MARCHF11: variants seen among roughly 807,000 people sequenced by gnomAD.
MARCHF11 encodes the protein E3 ubiquitin-protein ligase MARCHF11.
Under a neutral mutation model 37.3 loss-of-function variants are expected in MARCHF11, and 29 were observed. The observed-to-expected ratio is 0.78, with a 90% CI of 0.58 to 1.06. The LOEUF is 1.06. MARCHF11 is among the 50% of genes least tolerant of loss of function. MARCHF11 has a pLI of 0.00. For missense variants in MARCHF11, 482 were observed against 533.4 expected, an observed-to-expected ratio of 0.90 and a Z score of 0.95; for synonymous variants, 233 against 228.0, an observed-to-expected ratio of 1.02 and a Z score of -0.20.
chr5:16,084,367 G>A (rs1177116417), intron 3 of MARCHF11, among the ~76,000 whole-genome samples: 2 of 152,222 alleles, frequency 1.3e-5, no homozygotes, highest in African/African-American at 4.8e-5. Flanking sequence ...CATAGGCCAG[G>A]TGCGATGGCT....
intron 2 of MARCHF11, among the ~76,000 whole-genome samples, chr5:16,148,763 G>T (rs911499496): frequency 9.9e-5 from 15 of 152,094 alleles, no homozygotes; most frequent in Non-Finnish European, 1.9e-4. Flanking sequence ...TAGCTATTTT[G>T]TGCTAAAAAT....
chr5:16,102,227 G>A (rs187366054), intron 2 of MARCHF11, among the ~76,000 whole-genome samples: 4 of 152,264 alleles, frequency 2.6e-5, no homozygotes, highest in East Asian at 3.9e-4. Context: ...TGAGTTGAAC[G>A]TGCAGTGTCT....
chr5:16,146,714 G>A (rs564603203), intron 2 of MARCHF11, among the ~76,000 whole-genome samples: 199 of 152,254 alleles, frequency 1.3e-3, no homozygotes, highest in African/African-American at 3.5e-3. Flanking sequence ...TTTTTAAGTC[G>A]GTGGCACAGT....
chr5:16,099,702 T>G (rs1313141323), intron 2 of MARCHF11, among the ~76,000 whole-genome samples: 2 of 152,240 alleles, frequency 1.3e-5, no homozygotes, highest in African/African-American at 4.8e-5. Context: ...TTGGTTGCTA[T>G]TTCCAAAAGA....
In MARCHF11 at chr5:16,179,175, C is replaced by T. The variant is rs1471703893; in HGVS notation, c.401G>A (p.Gly134Asp). Residue 134 changes from glycine (G) to aspartate (D), a missense_variant, in exon 1 of 4, where the codon GGC becomes GAC. Physicochemically the swap from Gly to Asp is moderately conservative, Grantham distance 94 (BLOSUM62 -1). Coordinates refer to ENST00000332432, the MANE Select transcript of MARCHF11 (RefSeq NM_001102562.3). ...AGAGGERERR[G>D]AGDQPETRSV... ...GCGCGTCTCGGGCTGGTCTCCGGCGCCCCGCCGCTCGCGCTCGCCGCCCGC... is the reference window on the plus strand; with the variant it reads ...GCGCGTCTCGGGCTGGTCTCCGGCGTCCCGCCGCTCGCGCTCGCCGCCCGC... 4.4e-6 allele frequency: 6 copies of T among 1,368,256 alleles called. No homozygotes were observed. The highest frequency in any genetic ancestry group is 5.6e-6 in the Non-Finnish European group (6 of 1,068,588). The allele number at this position is 1,368,256 out of a possible 1,614,324, so 84.8% of individuals were successfully genotyped here. A position where few individuals can be genotyped will look rare whatever the true frequency, so the allele number is the denominator to read the frequency against.
At chr5:16,107,006 T>A (rs1737052124) in intron 2 of MARCHF11, among the ~76,000 whole-genome samples, 1 of 152,236 alleles carries the variant, frequency 6.6e-6, no homozygotes, top group Admixed American at 6.5e-5. Context: ...AGAAACCACC[T>A]GCCCCATGAA....
At chr5:16,069,318 T>C (rs1037983704) in intron 3 of MARCHF11, among the ~76,000 whole-genome samples, 2 of 152,062 alleles carry the variant, frequency 1.3e-5, no homozygotes, top group African/African-American at 4.8e-5. Context: ...TATAAAAGCA[T>C]TGATGAGAAT....
intron 2 of MARCHF11, among the ~76,000 whole-genome samples, chr5:16,155,847 G>A (rs1007155535): frequency 8.6e-5 from 13 of 151,850 alleles, no homozygotes; most frequent in African/African-American, 2.7e-4. Context: ...TAACACAAAC[G>A]ATAATAAATG....
intron 2 of MARCHF11, among the ~76,000 whole-genome samples, chr5:16,148,607 T>C (rs935080248): frequency 1.3e-5 from 2 of 152,188 alleles, no homozygotes; most frequent in Non-Finnish European, 2.9e-5. Context: ...AGCCACCTGT[T>C]AGCAGTTTGC....
At chr5:16,172,411 T>C (rs1232063066) in intron 2 of MARCHF11, among the ~76,000 whole-genome samples, 1 of 152,194 alleles carries the variant, frequency 6.6e-6, no homozygotes, top group South Asian at 2.1e-4. Context: ...CATTGTTTTT[T>C]AGTTATTCAG....
intron 3 of MARCHF11, among the ~76,000 whole-genome samples, chr5:16,089,190 T>C (rs1427088537): frequency 6.6e-6 from 1 of 152,140 alleles, no homozygotes; most frequent in Non-Finnish European, 1.5e-5. Context: ...TTTTTTTCCT[T>C]TCCAGGTTGG....
At chr5:16,146,451 T>C (rs1371930419) in intron 2 of MARCHF11, among the ~76,000 whole-genome samples, 1 of 152,174 alleles carries the variant, frequency 6.6e-6, no homozygotes, top group Non-Finnish European at 1.5e-5. Context: ...ATGTTGAGGA[T>C]GATCTCAACT....
intron 2 of MARCHF11, among the ~76,000 whole-genome samples, chr5:16,134,737 C>T (rs999414618): frequency 2.6e-5 from 4 of 151,980 alleles, no homozygotes; most frequent in Non-Finnish European, 4.4e-5. Context: ...AAGAAAGTGA[C>T]TAAATAAGTT....
In MARCHF11 at chr5:16,109,140, AC is replaced by A. The variant is rs1373349302; in HGVS notation, c.694-18060del. 5.3e-5 allele frequency among the ~76,000 whole-genome samples: 8 copies of A among 151,030 alleles called. No individual in the cohort carries two copies. In the South Asian group the frequency reaches 1.5e-3, roughly 28 times the overall value. ...CACACACACACACACACACACACAC[AC>A]GTTTGGTCTTTGACCTATGTCCTGG... On this transcript the variant is annotated intron_variant, in intron 2 of 3. Transcript: ENST00000332432.
chr5:16,177,301 C>T (rs1163816457), intron 2 of MARCHF11, among the ~76,000 whole-genome samples: 1 of 152,126 alleles, frequency 6.6e-6, no homozygotes, highest in Non-Finnish European at 1.5e-5. Context: ...GTTTTCATAC[C>T]AGTGAAGTTT....
intron 2 of MARCHF11, among the ~76,000 whole-genome samples, chr5:16,113,831 T>A (rs947992735): frequency 6.6e-6 from 1 of 152,232 alleles, no homozygotes; most frequent in Non-Finnish European, 1.5e-5. Flanking sequence ...TATATTGCTG[T>A]TAAGTACAGT....
intron 2 of MARCHF11, among the ~76,000 whole-genome samples, chr5:16,127,713 G>T (rs573726828): frequency 1.3e-5 from 2 of 152,180 alleles, no homozygotes; most frequent in Non-Finnish European, 2.9e-5. Flanking sequence ...AGCTCCTAAG[G>T]CACATGCCTA....
intron 3 of MARCHF11, among the ~76,000 whole-genome samples, chr5:16,076,863 G>A (rs561771394): frequency 7.9e-4 from 120 of 152,264 alleles, no homozygotes; most frequent in South Asian, 2.1e-4. Flanking sequence ...AGTCATCACC[G>A]GTGTCTCCTC....
intron 2 of MARCHF11, among the ~76,000 whole-genome samples, chr5:16,116,424 A>C (rs1019564942): frequency 6.6e-6 from 1 of 152,168 alleles, no homozygotes; most frequent in African/African-American, 2.4e-5. Context: ...AATTTCATCA[A>C]ACAACTCTGA....
Sources: allele counts gnomAD v4.1 joint callset (sites outside exome capture counted in the v4.1 genomes callset), GRCh38; gene constraint gnomAD v4.1.1; transcripts MANE v1.5; gene names NCBI Gene and HGNC (gene_info 2026-07-23, HGNC 2026-07-21).